CDH13: variants seen among roughly 807,000 people sequenced by gnomAD.
The protein encoded by CDH13 is cadherin 13.
CDH13 carries 24 observed loss-of-function variants against 63.8 expected under a neutral mutation model. That is an observed-to-expected ratio of 0.38 (90% CI 0.27 to 0.53). CDH13 has a LOEUF of 0.53. Ranked by LOEUF, CDH13 falls within the 20% of genes least tolerant of loss-of-function variation. The pLI, the probability that CDH13 is intolerant of heterozygous loss-of-function variation, is 0.85. For missense variants in CDH13, 1,049 were observed against 903.1 expected, an observed-to-expected ratio of 1.16 and a Z score of -2.07; for synonymous variants, 503 against 355.3, an observed-to-expected ratio of 1.42 and a Z score of -4.67.
intron 7 of CDH13, among the ~76,000 whole-genome samples, chr16:83,531,419 C>G (rs1375242727): frequency 6.6e-6 from 1 of 152,310 alleles, no homozygotes; most frequent in East Asian, 1.9e-4. Context: ...TTACCTTACA[C>G]AGCAACAGAG....
intron 6 of CDH13, among the ~76,000 whole-genome samples, chr16:83,457,755 A>G (rs2073063159): frequency 6.6e-6 from 1 of 152,166 alleles, no homozygotes; most frequent in African/African-American, 2.4e-5. Flanking sequence ...GAGCCAAGCC[A>G]ATAGTCACTG....
intron 2 of CDH13, among the ~76,000 whole-genome samples, chr16:82,925,700 G>A (rs2042282817): frequency 6.6e-6 from 1 of 152,196 alleles, no homozygotes; most frequent in South Asian, 2.1e-4. Flanking sequence ...CAGACAGCCA[G>A]AAATGGCCCA....
chr16:83,674,089 C>G (rs941069192), intron 9 of CDH13, among the ~76,000 whole-genome samples: 4 of 152,232 alleles, frequency 2.6e-5, no homozygotes, highest in Admixed American at 6.5e-5. Flanking sequence ...AGGCCATGCT[C>G]TCTGCTGCTG....
intron 7 of CDH13, among the ~76,000 whole-genome samples, chr16:83,493,839 G>T (rs896924928): frequency 6.6e-6 from 1 of 152,210 alleles, no homozygotes; most frequent in Non-Finnish European, 1.5e-5. Context: ...AGGAGAGATC[G>T]TCAGTGGCAA....
At chr16:83,735,329 G>C (rs564959163) in intron 10 of CDH13, 1 of 152,298 alleles carries the variant, frequency 6.6e-6, no homozygotes, top group Admixed American at 6.5e-5. Flanking sequence ...CGAAGCAGTT[G>C]TAAATCCACT....
Position 82,966,114 on chromosome 16 carries a change from A to G in CDH13, c.158-65896A>G, listed in dbSNP as rs188627907. The stretch of plus-strand genomic sequence containing the variant: ...TAGTAACTACGTTGTCTTTACATCA[A>G]CCTGAGAAGTAGATACTATTTTTCC... On this transcript the variant is annotated intron_variant, in intron 2 of 13. Coordinates refer to ENST00000567109, the MANE Select transcript of CDH13 (RefSeq NM_001257.5). 2.4e-3 allele frequency among the ~76,000 whole-genome samples: 368 copies of G among 152,204 alleles called. 3 individuals are homozygous for G. The highest frequency in any genetic ancestry group is 0.017 in the Middle Eastern group (5 of 294).
At chr16:82,855,003 G>A (rs1195033160) in intron 1 of CDH13, among the ~76,000 whole-genome samples, 1 of 151,792 alleles carries the variant, frequency 6.6e-6, no homozygotes. Context: ...TGAATGATTT[G>A]ACTAATTCTT....
intron 6 of CDH13, among the ~76,000 whole-genome samples, chr16:83,434,666 G>T (rs1041007737): frequency 6.6e-5 from 10 of 151,494 alleles, no homozygotes; most frequent in Admixed American, 6.6e-4. Context: ...TCTTATCCCT[G>T]TCTTAGAGCC....
At chr16:83,787,921 C>T (rs908167313) in intron 13 of CDH13, among the ~76,000 whole-genome samples, 2 of 152,134 alleles carry the variant, frequency 1.3e-5, no homozygotes, top group South Asian at 2.1e-4. Flanking sequence ...CCAGCCTAAG[C>T]GACAGAGCAA....
intron 7 of CDH13, among the ~76,000 whole-genome samples, chr16:83,571,953 A>G (rs1302098233): frequency 6.6e-6 from 1 of 152,064 alleles, no homozygotes; most frequent in Non-Finnish European, 1.5e-5. Flanking sequence ...TGGACTAACT[A>G]GGGGAAGTCA....
chr16:83,565,848 A>C (rs1245853844), intron 7 of CDH13, among the ~76,000 whole-genome samples: 1 of 151,398 alleles, frequency 6.6e-6, no homozygotes, highest in African/African-American at 2.4e-5. Flanking sequence ...CTGATAACTT[A>C]TTCTTTTGTG....
At chr16:83,707,086 TA>T (rs1567534471) in intron 10 of CDH13, among the ~76,000 whole-genome samples, 2 of 152,306 alleles carry the variant, frequency 1.3e-5, no homozygotes, top group Admixed American at 1.3e-4. Context: ...TTTGCAGGAC[TA>T]AGAAGGATAC....
At chr16:83,328,435 C>T (rs564451363) in intron 5 of CDH13, among the ~76,000 whole-genome samples, 1 of 152,290 alleles carries the variant, frequency 6.6e-6, no homozygotes, top group African/African-American at 2.4e-5. Context: ...CAGGACCTTG[C>T]AGGCCACAGT....
intron 6 of CDH13, among the ~76,000 whole-genome samples, chr16:83,431,174 T>G (rs2072092195): frequency 1.3e-5 from 2 of 151,974 alleles, no homozygotes; most frequent in African/African-American, 4.8e-5. Flanking sequence ...TGCATAGTAT[T>G]CCATGGTGTA....
Position 83,125,404 on chromosome 16 carries a change from G to T in CDH13, c.386G>T (p.Arg129Ile). The change falls in exon 4 of 14, where the codon AGA becomes ATA. Residue 129 changes from arginine to isoleucine, a missense_variant. Coordinates refer to ENST00000567109, the MANE Select transcript of CDH13 (RefSeq NM_001257.5). ...GSLQDIFKFARTSPVPRQKRS... is the reference protein window; with the variant it reads ...GSLQDIFKFAITSPVPRQKRS... ...TTTTAGGATATATTTAAATTTGCAA[G>T]AACTTCTCCTGTCCCAAGACAAAAG... 1 of 1,599,644 alleles carries T rather than the reference G, an allele frequency of 6.3e-7. No homozygotes were observed. The highest frequency in any genetic ancestry group is 1.1e-5 in the South Asian group (1 of 90,652).
intron 4 of CDH13, among the ~76,000 whole-genome samples, chr16:83,183,265 C>T (rs1219306024): frequency 1.3e-5 from 2 of 152,224 alleles, no homozygotes; most frequent in Non-Finnish European, 2.9e-5. Context: ...ATTAGTCAAA[C>T]ATAATAGCTT....
chr16:82,864,354 A>T (rs1026535137), intron 2 of CDH13, among the ~76,000 whole-genome samples: 4 of 152,196 alleles, frequency 2.6e-5, no homozygotes, highest in Admixed American at 6.5e-5. Flanking sequence ...ACTTCTATAA[A>T]GAACTACCTG....
chr16:83,096,851 C>T (rs6565120), intron 3 of CDH13, among the ~76,000 whole-genome samples: 22,722 of 152,110 alleles, frequency 0.15, 2,167 homozygotes, highest in African/African-American at 0.27. Flanking sequence ...TGGAGTTTAA[C>T]ATCTGAGTTT....
At chr16:83,507,835 C>T (rs2074437974) in intron 7 of CDH13, among the ~76,000 whole-genome samples, 1 of 120,112 alleles carries the variant, frequency 8.3e-6, no homozygotes, top group South Asian at 3.9e-4. Flanking sequence ...GAGTTCGATG[C>T]CAGCCTGGCC....
Sources: allele counts gnomAD v4.1 joint callset (sites outside exome capture counted in the v4.1 genomes callset), GRCh38; gene constraint gnomAD v4.1.1; transcripts MANE v1.5; gene names NCBI Gene and HGNC (gene_info 2026-07-23, HGNC 2026-07-21).